The following BCKDHB variants were observed in gnomAD, a reference collection of about 807,000 sequenced individuals.
The protein encoded by BCKDHB is 2-oxoisovalerate dehydrogenase subunit beta, mitochondrial.
In BCKDHB, 41 loss-of-function variants were observed where a neutral mutation model predicts 48.5. The observed-to-expected ratio is 0.85, with a 90% CI of 0.66 to 1.10. The LOEUF (loss-of-function observed/expected upper bound fraction) is 1.10, where lower values mean the gene tolerates loss of function less well. Ranked by LOEUF, BCKDHB falls within the 50% of genes least tolerant of loss-of-function variation. The pLI, the probability that BCKDHB is intolerant of heterozygous loss-of-function variation, is 0.00. For synonymous variants in BCKDHB, 201 were observed against 174.8 expected (o/e 1.15, Z -1.18); for missense variants, 496 against 494.2 (o/e 1.00, Z -0.03).
At chr6:80,454,422 G>A in the BCKDHB span, among the ~76,000 whole-genome samples, 1 of 152,074 alleles carries the variant, frequency 6.6e-6, no homozygotes, top group Non-Finnish European at 1.5e-5. Flanking sequence ...ACACACTACT[G>A]AGGTATGTGA....
the BCKDHB span, among the ~76,000 whole-genome samples, chr6:80,456,858 C>T: frequency 2.0e-5 from 3 of 152,194 alleles, no homozygotes; most frequent in Middle Eastern, 3.2e-3. Flanking sequence ...AAGGATTCTT[C>T]CCTTCTTAGG....
rs76968746 is a variant in BCKDHB, at chr6:80,213,668, GT to G, written c.951+10469del. On this transcript the variant is annotated intron_variant, in intron 8 of 9. Coordinates refer to ENST00000320393, the MANE Select transcript of BCKDHB (RefSeq NM_183050.4). Reference sequence around the variant, plus strand: ...AAGTTCTTGGGAAGTGTTTTTTTTTGTTTTTTTTTTTTTAATTTTAACAAAA... The same window carrying G: ...AAGTTCTTGGGAAGTGTTTTTTTTTGTTTTTTTTTTTTAATTTTAACAAAA... Among the ~76,000 whole-genome samples, 282 of 128,236 alleles carry G rather than the reference GT, an allele frequency of 2.2e-3. 1 individual carries two copies. Among genetic ancestry groups the G allele is most frequent in the African/African-American group, 4.5e-3 (146 of 32,578 alleles). The allele number at this position is 128,236 out of a possible 152,430, so 84.1% of individuals were successfully genotyped here.
chr6:80,170,250 A>G (rs1772836748), intron 5 of BCKDHB, among the ~76,000 whole-genome samples: 1 of 152,228 alleles, frequency 6.6e-6, no homozygotes, highest in Non-Finnish European at 1.5e-5. Flanking sequence ...TATTTTTAAA[A>G]TAAAACCCTT....
In BCKDHB at chr6:80,127,570, T is replaced by C; in HGVS notation, c.220T>C (p.Phe74Leu). The C allele has an allele frequency of 6.2e-7, 1 of 1,613,416 alleles. No homozygotes were observed. The highest frequency in any genetic ancestry group is 8.5e-7 in the Non-Finnish European group (1 of 1,179,512). The part of the protein sequence containing the change: ...EYGQTQKMNL[F>L]QSVTSALDNS... Reference sequence around the variant, plus strand: ...AGGGCAAACTCAGAAAATGAATCTTTTCCAGTCTGTAACAAGTGCCTTGGA... The same window carrying C: ...AGGGCAAACTCAGAAAATGAATCTTCTCCAGTCTGTAACAAGTGCCTTGGA... Residue 74 changes from phenylalanine (F) to leucine (L), a missense_variant, in exon 2 of 10, where the codon TTC becomes CTC. Transcript: ENST00000320393.
chr6:80,180,104 A>G (rs1234634417), intron 6 of BCKDHB, among the ~76,000 whole-genome samples: 3 of 152,196 alleles, frequency 2.0e-5, no homozygotes, highest in African/African-American at 7.2e-5. Context: ...ATTTCTTTCA[A>G]TTCAACCATT....
At chr6:80,452,265 A>G in the BCKDHB span, among the ~76,000 whole-genome samples, 5 of 152,330 alleles carry the variant, frequency 3.3e-5, no homozygotes, top group Admixed American at 1.3e-4. Context: ...GTATATTCCA[A>G]TAGGAGGCCC....
chr6:80,462,608 C>T, the BCKDHB span, among the ~76,000 whole-genome samples: 12 of 152,280 alleles, frequency 7.9e-5, no homozygotes, highest in African/African-American at 1.9e-4. Context: ...GAGTCTTCTC[C>T]GTGCCCTTCT....
At chr6:80,401,603 T>G in the BCKDHB span, among the ~76,000 whole-genome samples, 1 of 151,826 alleles carries the variant, frequency 6.6e-6, no homozygotes, top group African/African-American at 2.4e-5. Flanking sequence ...TTTATAGCAA[T>G]GTGAAAATGG....
the BCKDHB span, among the ~76,000 whole-genome samples, chr6:80,444,744 C>A: frequency 6.6e-6 from 1 of 152,062 alleles, no homozygotes; most frequent in East Asian, 1.9e-4. Context: ...ATAGATATGG[C>A]CACCATAACA....
the BCKDHB span, among the ~76,000 whole-genome samples, chr6:80,436,142 C>CTTTTT: frequency 2.1e-5 from 1 of 47,104 alleles, no homozygotes; most frequent in Non-Finnish European, 5.5e-5. Context: ...CTGAAAAATT[C>CTTTTT]TTTTCTTTTT....
At chr6:80,414,111 G>T in the BCKDHB span, among the ~76,000 whole-genome samples, 1 of 151,852 alleles carries the variant, frequency 6.6e-6, no homozygotes, top group Admixed American at 6.6e-5. Flanking sequence ...TTTTAAAAGT[G>T]TCTGTGTATA....
At chr6:80,241,477 G>A (rs887057133) in intron 8 of BCKDHB, among the ~76,000 whole-genome samples, 3 of 152,124 alleles carry the variant, frequency 2.0e-5, no homozygotes, top group Admixed American at 2.0e-4. Context: ...CTGTTCCTTT[G>A]TGCTTGTTGG....
At chr6:80,340,387 A>G (rs760965860) in intron 9 of BCKDHB, among the ~76,000 whole-genome samples, 8 of 152,198 alleles carry the variant, frequency 5.3e-5, no homozygotes, top group South Asian at 2.1e-4. Flanking sequence ...ATGTTACACT[A>G]TAATCTGCTT....
At chr6:80,447,030 A>G in the BCKDHB span, among the ~76,000 whole-genome samples, 5 of 152,170 alleles carry the variant, frequency 3.3e-5, no homozygotes, top group Non-Finnish European at 7.3e-5. Flanking sequence ...TGCTTGTCCA[A>G]GATGGCAATG....
At chr6:80,409,542 G>C in the BCKDHB span, among the ~76,000 whole-genome samples, 2 of 120,532 alleles carry the variant, frequency 1.7e-5, no homozygotes, top group East Asian at 5.4e-4. Flanking sequence ...CTAAGGACTT[G>C]CTTTATAAAT....
At chr6:80,143,921 G>GCTGTTCATTTAACC (rs1771341826) in intron 3 of BCKDHB, among the ~76,000 whole-genome samples, 1 of 152,116 alleles carries the variant, frequency 6.6e-6, no homozygotes, top group East Asian at 1.9e-4. Context: ...TTCTGGGCAT[G>GCTGTTCATTTAACC]CTGTTCATTT....
chr6:80,286,052 T>A (rs965026871), intron 9 of BCKDHB, among the ~76,000 whole-genome samples: 4 of 152,134 alleles, frequency 2.6e-5, no homozygotes, highest in Non-Finnish European at 5.9e-5. Flanking sequence ...GATACTTTTT[T>A]AAACAGTGTA....
chr6:80,127,727 C>A, intron 2 of BCKDHB, 103 bp downstream of exon 2: 1 of 1,072,810 alleles, frequency 9.3e-7, no homozygotes, highest in Non-Finnish European at 1.5e-6. Context: ...ATTGTATCTA[C>A]CTGACATTTT....
the BCKDHB span, among the ~76,000 whole-genome samples, chr6:80,377,577 T>C: frequency 6.6e-6 from 1 of 152,186 alleles, no homozygotes. Context: ...TATCCAGTTA[T>C]TTCACCACCA....
Sources: allele counts gnomAD v4.1 joint callset (sites outside exome capture counted in the v4.1 genomes callset), GRCh38; gene constraint gnomAD v4.1.1; transcripts MANE v1.5; gene names NCBI Gene and HGNC (gene_info 2026-07-23, HGNC 2026-07-21).